Variants in CFAP47 observed in about 807,000 individuals in gnomAD.
CFAP47 encodes the protein cilia- and flagella-associated protein 47.
CFAP47 carries 29 observed loss-of-function variants against 148.1 expected under a neutral mutation model. That is an observed-to-expected ratio of 0.20 (90% CI 0.15 to 0.27). CFAP47 has a LOEUF of 0.27. CFAP47 is among the 10% of genes least tolerant of loss of function. The pLI is 1.00. For synonymous variants in CFAP47, 664 were observed against 577.3 expected, an observed-to-expected ratio of 1.15 and a Z score of -2.15; for missense variants, 1,872 against 1,697.5, an observed-to-expected ratio of 1.10 and a Z score of -1.81.
intron 54 of CFAP47, among the ~76,000 whole-genome samples, chrX:36,305,789 A>C (rs1941342627): frequency 8.9e-6 from 1 of 111,870 alleles, no homozygotes; most frequent in African/African-American, 3.2e-5. Flanking sequence ...CTGACAGTGA[A>C]ATTAATTAAT....
At chrX:36,358,729 C>T (rs1941804059) in intron 60 of CFAP47, among the ~76,000 whole-genome samples, 1 of 111,475 alleles carries the variant, frequency 9.0e-6, no homozygotes, top group African/African-American at 3.3e-5. Flanking sequence ...TCTGCTCTGC[C>T]CTCATAAGTT....
intron 58 of CFAP47, among the ~76,000 whole-genome samples, chrX:36,349,250 A>T (rs782061572): frequency 9.0e-6 from 1 of 111,612 alleles, no homozygotes; most frequent in African/African-American, 3.2e-5. Flanking sequence ...AAAAATGATC[A>T]TAAATTTTTT....
chrX:36,261,062 A>G (rs1940811242), intron 49 of CFAP47, among the ~76,000 whole-genome samples: 1 of 105,363 alleles, frequency 9.5e-6, no homozygotes, highest in African/African-American at 3.5e-5. Flanking sequence ...GGATTGGTCT[A>G]TGTGTCTATT....
intron 33 of CFAP47, among the ~76,000 whole-genome samples, chrX:36,132,785 C>T (rs1275188315): frequency 2.7e-5 from 3 of 111,745 alleles, no homozygotes; most frequent in African/African-American, 3.2e-5. Flanking sequence ...TGAACAGCTA[C>T]GGCCCATGCC....
intron 57 of CFAP47, among the ~76,000 whole-genome samples, chrX:36,337,856 C>CT (rs1196038760): frequency 0.043 from 2,481 of 58,237 alleles, 177 homozygotes; most frequent in African/African-American, 0.13. Context: ...TTCCATAATC[C>CT]TTTTTTTTTT....
At chrX:36,117,360 C>T (rs1342113402) in intron 33 of CFAP47, among the ~76,000 whole-genome samples, 1 of 111,767 alleles carries the variant, frequency 8.9e-6, no homozygotes, top group Non-Finnish European at 1.9e-5. Context: ...TACTAATTTA[C>T]GTTCCCACCA....
At chrX:36,352,037 T>C (rs1334747117) in intron 59 of CFAP47, among the ~76,000 whole-genome samples, 1 of 111,365 alleles carries the variant, frequency 9.0e-6, no homozygotes, top group African/African-American at 3.3e-5. Flanking sequence ...TTAAGCCACA[T>C]TTTCTCTTTG....
chrX:36,072,546 A>G (rs1172133761), intron 28 of CFAP47, among the ~76,000 whole-genome samples: 1 of 112,221 alleles, frequency 8.9e-6, no homozygotes, highest in Non-Finnish European at 1.9e-5. Context: ...GGTAATAATG[A>G]ACATTTTTCT....
At chrX:36,177,782 A>G (rs1386090336) in intron 39 of CFAP47, among the ~76,000 whole-genome samples, 2 of 112,310 alleles carry the variant, frequency 1.8e-5, no homozygotes, top group African/African-American at 6.5e-5. Flanking sequence ...GAGATTTCTC[A>G]AAGAACTTAA....
chrX:35,940,397 T>G (rs1392669484), intron 2 of CFAP47, among the ~76,000 whole-genome samples: 3 of 111,177 alleles, frequency 2.7e-5, no homozygotes, highest in Non-Finnish European at 5.7e-5. Flanking sequence ...TGGTAATGCC[T>G]AGGTTTTCTT....
chrX:36,374,324 T>C (rs1172327530), intron 62 of CFAP47, among the ~76,000 whole-genome samples: 2 of 111,054 alleles, frequency 1.8e-5, no homozygotes, highest in African/African-American at 6.5e-5. Flanking sequence ...CCAATTTGCT[T>C]ACAGATAATT....
Position 35,971,712 on chromosome X carries a change from G to C in CFAP47, c.2097G>C (p.Ala699=). Reference sequence around the variant, plus strand: ...CTTCAGCAGCAAATTCAATTAGAGCGAATCGATTGTTAACCACCAGGGGTA... The same window carrying C: ...CTTCAGCAGCAAATTCAATTAGAGCCAATCGATTGTTAACCACCAGGGGTA... ...ELSSAANSIR[A]NRLLTTRGIA... Residue 699 remains alanine, a synonymous_variant, in exon 12 of 64, where the codon GCG becomes GCC. Coordinates refer to ENST00000378653, the MANE Select transcript of CFAP47 (RefSeq NM_001304548.2). The C allele has an allele frequency of 2.5e-6, 3 of 1,211,195 alleles. No homozygotes were observed. Among genetic ancestry groups the C allele is most frequent in the Non-Finnish European group, 3.4e-6 (3 of 895,185 alleles).
intron 30 of CFAP47, among the ~76,000 whole-genome samples, chrX:36,086,087 A>G (rs1569254339): frequency 8.9e-6 from 1 of 112,060 alleles, no homozygotes; most frequent in East Asian, 2.8e-4. Context: ...GTCTGCATAG[A>G]TAAATTAAAA....
Position 36,287,436 on chromosome X carries a change from T to A in CFAP47, c.7686+1710T>A, listed in dbSNP as rs193219101. 3.3e-4 allele frequency among the ~76,000 whole-genome samples: 37 copies of A among 111,920 alleles called. 2 individuals carry two copies. The East Asian group carries it at 0.01, about 31-fold the overall frequency. On this transcript the variant is annotated intron_variant, in intron 51 of 63. Transcript: ENST00000378653. ...TTCTAATTGCTATCATTTTTGCTTT[T>A]ATTATTCGTTATGAACAGTTAGCAT...
chrX:35,940,681 C>A (rs763336729), intron 2 of CFAP47, among the ~76,000 whole-genome samples: 1 of 111,075 alleles, frequency 9.0e-6, no homozygotes, highest in African/African-American at 3.3e-5. Context: ...TCTCTCTGTG[C>A]GAAGTGTGGA....
At chrX:36,198,764 A>G (rs1939945433) in intron 42 of CFAP47, among the ~76,000 whole-genome samples, 1 of 111,983 alleles carries the variant, frequency 8.9e-6, no homozygotes, top group African/African-American at 3.2e-5. Flanking sequence ...GGAGGAAGGT[A>G]TAATGAGGCA....
intron 46 of CFAP47, among the ~76,000 whole-genome samples, chrX:36,234,825 C>A (rs1367541914): frequency 1.8e-5 from 2 of 111,606 alleles, no homozygotes; most frequent in African/African-American, 6.5e-5. Context: ...GTTAGTTTTC[C>A]TTCTAAGAGA....
intron 25 of CFAP47, among the ~76,000 whole-genome samples, chrX:36,039,406 C>T (rs1387370326): frequency 2.7e-5 from 3 of 112,374 alleles, no homozygotes; most frequent in Non-Finnish European, 3.8e-5. Context: ...TGTCTCTCTT[C>T]ATGAAGTAAT....
intron 51 of CFAP47, among the ~76,000 whole-genome samples, chrX:36,295,236 A>T (rs782596297): frequency 5.3e-5 from 6 of 112,533 alleles, no homozygotes; most frequent in Non-Finnish European, 1.1e-4. Context: ...AGAAAAAATC[A>T]GTCAAAACTG....
Sources: gnomAD v4.1 joint callset for allele counts (sites outside exome capture counted in the v4.1 genomes callset) on GRCh38, gnomAD v4.1.1 for gene constraint, MANE v1.5 for transcripts, NCBI Gene and HGNC (gene_info 2026-07-23, HGNC 2026-07-21) for gene names.